The following CDON variants were observed in gnomAD, a reference collection of about 807,000 sequenced individuals.
CDON encodes cell adhesion molecule-related/down-regulated by oncogenes.
Under a neutral mutation model 120.9 loss-of-function variants are expected in CDON, and 73 were observed. The ratio of observed to expected loss-of-function variants is 0.60; its 90% CI spans 0.50 to 0.73. CDON has a LOEUF of 0.73. Ranked by LOEUF, CDON falls within the 30% of genes least tolerant of loss-of-function variation. CDON has a pLI of 0.00. For missense variants in CDON, 1,470 were observed against 1,587.3 expected, an observed-to-expected ratio of 0.93 and a Z score of 1.26; for synonymous variants, 566 against 573.5, an observed-to-expected ratio of 0.99 and a Z score of 0.19.
intron 7 of CDON, 130 bp downstream of exon 7, chr11:126,015,111 G>A: frequency 1.1e-6 from 1 of 884,868 alleles, no homozygotes; most frequent in Non-Finnish European, 1.8e-6. Flanking sequence ...CAGGACCATG[G>A]AAAATGAACA....
intron 18 of CDON, among the ~76,000 whole-genome samples, chr11:125,971,817 A>T (rs1946008375): frequency 6.6e-6 from 1 of 151,984 alleles, no homozygotes; most frequent in Non-Finnish European, 1.5e-5. Context: ...CTCTCTTACA[A>T]ATTATCAAGG....
At chr11:125,971,628 C>T (rs975315925) in intron 18 of CDON, among the ~76,000 whole-genome samples, 1 of 152,142 alleles carries the variant, frequency 6.6e-6, no homozygotes, top group Non-Finnish European at 1.5e-5. Flanking sequence ...TGACTATCAG[C>T]CATGTAATTT....
At chr11:126,026,205 T>C (rs944825533) in intron 1 of CDON, among the ~76,000 whole-genome samples, 1 of 152,240 alleles carries the variant, frequency 6.6e-6, no homozygotes, top group East Asian at 1.9e-4. Flanking sequence ...TCTAGCTATA[T>C]TGTTTATTCC....
intron 15 of CDON, among the ~76,000 whole-genome samples, chr11:125,988,208 T>A (rs560765934): frequency 3.3e-5 from 5 of 152,100 alleles, no homozygotes; most frequent in Admixed American, 6.5e-5. Context: ...GGTGGGAAGA[T>A]CTAGTAGAGG....
At chr11:126,009,658 G>A (rs1286823651) in intron 8 of CDON, among the ~76,000 whole-genome samples, 1 of 152,132 alleles carries the variant, frequency 6.6e-6, no homozygotes, top group East Asian at 1.9e-4. Flanking sequence ...CTTTGATGTT[G>A]GGCCTCTCAC....
intron 6 of CDON, among the ~76,000 whole-genome samples, chr11:126,015,876 C>T (rs557590551): frequency 6.6e-6 from 1 of 152,258 alleles, no homozygotes; most frequent in East Asian, 1.9e-4. Context: ...TCACACTAAA[C>T]AGAAGCCAAA....
intron 10 of CDON, among the ~76,000 whole-genome samples, chr11:126,002,881 T>C (rs1420950444): frequency 6.6e-6 from 1 of 152,124 alleles, no homozygotes; most frequent in African/African-American, 2.4e-5. Context: ...GTTGCTCCCA[T>C]CACAGCAGCC....
intron 19 of CDON, 153 bp downstream of exon 19, chr11:125,961,571 C>A: frequency 1.1e-6 from 1 of 922,548 alleles, no homozygotes; most frequent in African/African-American, 1.7e-5. Flanking sequence ...TGAGTCCTAT[C>A]TTTTCCTGAA....
intron 18 of CDON, among the ~76,000 whole-genome samples, chr11:125,963,253 G>A (rs540686237): frequency 6.6e-6 from 1 of 152,198 alleles, no homozygotes; most frequent in East Asian, 1.9e-4. Context: ...ATTATCTGTT[G>A]ATGATCAAGC....
chr11:125,962,100 TCTTAAGAAAGAGTGATG>T lies in CDON; in HGVS notation c.3357-119_3357-103del, dbSNP rs1476702099. On this transcript the variant is annotated intron_variant, in intron 18 of 19. Coordinates refer to ENST00000531738, the MANE Select transcript of CDON (RefSeq NM_001378964.1). ...CATTTGGTATTCTGTATTCACAGAC[TCTTAAGAAAGAGTGATG>T]CTTAAAAACAACTAAATGATTCACT... 2.4e-5 allele frequency: 22 copies of T among 908,134 alleles called. No homozygotes were observed. The African/African-American group carries it at 3.6e-4, about 15-fold the overall frequency. The allele number at this position is 908,134 out of a possible 1,614,324, so 56.3% of individuals were successfully genotyped here.
At chr11:125,989,270 T>C (rs1451495411) in intron 15 of CDON, among the ~76,000 whole-genome samples, 1 of 152,186 alleles carries the variant, frequency 6.6e-6, no homozygotes, top group Non-Finnish European at 1.5e-5. Context: ...GCACGGTGGC[T>C]CACGCCTGTA....
chr11:125,968,029 A>G (rs539228629), intron 18 of CDON, among the ~76,000 whole-genome samples: 3 of 152,332 alleles, frequency 2.0e-5, no homozygotes, highest in South Asian at 2.1e-4. Flanking sequence ...GCTAAAACCT[A>G]TATTTTAAAG....
At position 125,968,996 on chromosome 11, in the gene CDON, C is replaced by CTAT. The variant is rs566049750; in HGVS notation, c.3357-7001_3357-6999dup. ...TATAACCAGACATGATATATGAAAA[C>CTAT]TATTATTATTATTATCATTGCGATG... is the stretch of plus-strand genomic sequence containing the variant. On this transcript the variant is annotated intron_variant, in intron 18 of 19. Transcript: ENST00000531738. 3.8e-3 allele frequency among the ~76,000 whole-genome samples: 573 copies of CTAT among 152,054 alleles called. 2 individuals are homozygous for CTAT. The highest frequency in any genetic ancestry group is 0.019 in the South Asian group (92 of 4,808).
chr11:125,990,582 C>T (rs1946607409), intron 14 of CDON, among the ~76,000 whole-genome samples: 1 of 152,320 alleles, frequency 6.6e-6, no homozygotes, highest in East Asian at 1.9e-4. Flanking sequence ...GTGGAAACAT[C>T]TCTTCAGACT....
chr11:126,046,186 C>T (rs1354016351), intron 1 of CDON, among the ~76,000 whole-genome samples: 1 of 152,112 alleles, frequency 6.6e-6, no homozygotes, highest in African/African-American at 2.4e-5. Flanking sequence ...GTTTCAAATA[C>T]AAGATTCCCA....
chr11:126,039,647 T>A (rs972824861), intron 1 of CDON, among the ~76,000 whole-genome samples: 1 of 152,236 alleles, frequency 6.6e-6, no homozygotes, highest in African/African-American at 2.4e-5. Context: ...TGAAACAGGC[T>A]GAGTCATCTG....
In CDON at chr11:125,959,834, C is replaced by G. The variant is rs1215454116; in HGVS notation, c.*1108G>C. On this transcript the variant is annotated 3_prime_UTR_variant, in exon 20 of 20. Coordinates refer to ENST00000531738, the MANE Select transcript of CDON (RefSeq NM_001378964.1). ...CTTTCTTTCTTCTGAAAATGTGTAT[C>G]TTTCTCTTCAAGCCACCATTTAATG... The G allele has an allele frequency of 6.6e-6, 1 of 152,104 alleles. No individual in the cohort carries two copies. The highest frequency in any genetic ancestry group is 2.4e-5 in the African/African-American group (1 of 41,420). 9.4% of individuals were successfully genotyped at this position (152,104 alleles called of 1,614,324 possible).
At chr11:126,030,757 T>C (rs1947921822) in intron 1 of CDON, among the ~76,000 whole-genome samples, 2 of 152,238 alleles carry the variant, frequency 1.3e-5, no homozygotes, top group South Asian at 2.1e-4. Context: ...ATTTCAATTA[T>C]GGAAGTCAAA....
intron 1 of CDON, among the ~76,000 whole-genome samples, chr11:126,047,544 A>G (rs1948434781): frequency 6.6e-6 from 1 of 152,232 alleles, no homozygotes; most frequent in Non-Finnish European, 1.5e-5. Context: ...CATCTCAAAC[A>G]GAACAACAGA....
Sources: allele counts gnomAD v4.1 joint callset (sites outside exome capture counted in the v4.1 genomes callset), GRCh38; gene constraint gnomAD v4.1.1; transcripts MANE v1.5; gene names NCBI Gene and HGNC (gene_info 2026-07-23, HGNC 2026-07-21).